DAB1: variants seen among roughly 807,000 people sequenced by gnomAD.
DAB1 encodes DAB adaptor protein 1, also known as disabled homolog 1.
A neutral mutation model predicts 64.6 loss-of-function variants in DAB1; 15 were observed. The ratio of observed to expected loss-of-function variants is 0.23; its 90% CI spans 0.16 to 0.36. DAB1 has a LOEUF of 0.36. DAB1 is among the 10% of genes least tolerant of loss of function. The probability of loss-of-function intolerance (pLI) is 1.00; values close to 1 mark genes in which losing one functional copy is unlikely to be tolerated. For missense variants in DAB1, 596 were observed against 706.7 expected (o/e 0.84, Z 1.78); for synonymous variants, 235 against 251.9 (o/e 0.93, Z 0.64).
intron 7 of DAB1, among the ~76,000 whole-genome samples, chr1:57,511,695 C>A (rs1369437718): frequency 6.6e-6 from 1 of 152,152 alleles, no homozygotes. Context: ...AAATGTAGTA[C>A]AATGCCTAGC....
intron 1 of DAB1, among the ~76,000 whole-genome samples, chr1:58,531,480 T>A (rs1220344336): frequency 6.6e-6 from 1 of 152,214 alleles, no homozygotes; most frequent in Admixed American, 6.5e-5. Context: ...AACTAGATTG[T>A]TCATGGTTTG....
intron 7 of DAB1, among the ~76,000 whole-genome samples, chr1:57,502,318 C>CAAAAAAAAAAAAA (rs10649147): frequency 6.4e-5 from 6 of 94,138 alleles, no homozygotes; most frequent in South Asian, 4.6e-4. Flanking sequence ...GAGTCCGTCT[C>CAAAAAAAAAAAAA]AAAAAAAAAA....
intron 3 of DAB1, among the ~76,000 whole-genome samples, chr1:58,451,016 G>T (rs60415312): frequency 0.13 from 19,410 of 152,190 alleles, 2,187 homozygotes; most frequent in East Asian, 0.46. Flanking sequence ...AACAAGGAAA[G>T]CCTGAGAAAG....
chr1:57,346,701 A>G (rs1678134205), intron 1 of DAB1, among the ~76,000 whole-genome samples: 2 of 152,202 alleles, frequency 1.3e-5, no homozygotes, highest in South Asian at 4.1e-4. Flanking sequence ...GCTCCTCTGA[A>G]CATTTGTTCA....
At chr1:57,330,064 A>G (rs548074569) in intron 1 of DAB1, among the ~76,000 whole-genome samples, 84 of 152,270 alleles carry the variant, frequency 5.5e-4, no homozygotes, top group African/African-American at 1.9e-3. Flanking sequence ...TAGCAGGGCA[A>G]TAAGGATCAT....
chr1:57,559,548 T>A (rs1002297470), intron 7 of DAB1, among the ~76,000 whole-genome samples: 3 of 152,188 alleles, frequency 2.0e-5, no homozygotes, highest in Admixed American at 1.3e-4. Flanking sequence ...TGATGTTGAT[T>A]CCAGGGGACC....
intron 3 of DAB1, among the ~76,000 whole-genome samples, chr1:58,427,707 A>G (rs1472731341): frequency 1.3e-5 from 2 of 152,172 alleles, no homozygotes. Flanking sequence ...GGTGCCAGGA[A>G]TTTGGGGATC....
chr1:58,327,742 C>T (rs1557732375), intron 4 of DAB1, among the ~76,000 whole-genome samples: 2 of 152,060 alleles, frequency 1.3e-5, no homozygotes, highest in Non-Finnish European at 2.9e-5. Context: ...AAGCAGATCA[C>T]GAGGTCAGGA....
Position 58,534,847 on chromosome 1 carries a change from G to T in DAB1, n.33-7512C>A, listed in dbSNP as rs531479774. ...GCTACATGGGAGGCTGAAGTGGGAG[G>T]ATCGCTTGAGTCTAGGAGGTGGAGG... On this transcript the variant is annotated intron_variant and non_coding_transcript_variant, in intron 1 of 20. Coordinates refer to the DAB1 transcript ENST00000485760. Among the ~76,000 whole-genome samples, 232 of 152,246 alleles carry T rather than the reference G, an allele frequency of 1.5e-3. 2 individuals are homozygous for T. Among genetic ancestry groups the T allele is most frequent in the African/African-American group, 5.5e-3 (230 of 41,536 alleles).
chr1:58,353,489 CCA>C (rs1177021220), intron 3 of DAB1, among the ~76,000 whole-genome samples: 1 of 152,154 alleles, frequency 6.6e-6, no homozygotes, highest in African/African-American at 2.4e-5. Context: ...GCTTTAGGAA[CCA>C]CAGACTTCCC....
At chr1:58,045,494 G>C (rs1190376513) in intron 5 of DAB1, among the ~76,000 whole-genome samples, 1 of 152,186 alleles carries the variant, frequency 6.6e-6, no homozygotes, top group Admixed American at 6.5e-5. Flanking sequence ...CATGCAGATT[G>C]TTCCCGGCGA....
At chr1:57,090,907 G>A (rs1370097076) in intron 4 of DAB1, among the ~76,000 whole-genome samples, 2 of 152,064 alleles carry the variant, frequency 1.3e-5, no homozygotes, top group Non-Finnish European at 2.9e-5. Flanking sequence ...TCATAGGAGC[G>A]CGAACCCTAT....
At chr1:58,450,127 A>C (rs1228657054) in intron 3 of DAB1, among the ~76,000 whole-genome samples, 1 of 152,228 alleles carries the variant, frequency 6.6e-6, no homozygotes, top group African/African-American at 2.4e-5. Flanking sequence ...TCCTACTAAA[A>C]GCAACTGAAA....
chr1:57,025,952 G>T, intron 10 of DAB1, 29 bp downstream of exon 10: 2 of 1,530,432 alleles, frequency 1.3e-6, no homozygotes, highest in Non-Finnish European at 1.8e-6. Context: ...AATTCAGAGA[G>T]CAGGGTTCAG....
At chr1:57,018,850 T>C (rs903770374) in intron 11 of DAB1, among the ~76,000 whole-genome samples, 1 of 152,132 alleles carries the variant, frequency 6.6e-6, no homozygotes, top group Non-Finnish European at 1.5e-5. Flanking sequence ...TCAATCCATA[T>C]CCTCACTGCA....
chr1:57,893,978 G>A (rs150783079), intron 5 of DAB1, among the ~76,000 whole-genome samples: 5 of 152,218 alleles, frequency 3.3e-5, no homozygotes, highest in Admixed American at 1.3e-4. Flanking sequence ...AGGGAAGAAC[G>A]CCTCAACTGA....
At chr1:57,517,382 A>G (rs1644475487) in intron 7 of DAB1, among the ~76,000 whole-genome samples, 1 of 152,064 alleles carries the variant, frequency 6.6e-6, no homozygotes, top group Admixed American at 6.6e-5. Flanking sequence ...TGTTTTCTCT[A>G]CCTGAGAGCA....
At chr1:58,276,159 G>A (rs973026521) in intron 4 of DAB1, among the ~76,000 whole-genome samples, 1 of 152,168 alleles carries the variant, frequency 6.6e-6, no homozygotes, top group Non-Finnish European at 1.5e-5. Flanking sequence ...CAAGGGCTGT[G>A]GGGAAGGAGT....
chr1:57,240,154 A>G (rs1668396007), intron 2 of DAB1, among the ~76,000 whole-genome samples: 1 of 152,190 alleles, frequency 6.6e-6, no homozygotes, highest in African/African-American at 2.4e-5. Context: ...CTATTTGCTG[A>G]GCATTTCCTA....
Sources: allele counts gnomAD v4.1 joint callset (sites outside exome capture counted in the v4.1 genomes callset), GRCh38; gene constraint gnomAD v4.1.1; transcripts MANE v1.5; gene names NCBI Gene and HGNC (gene_info 2026-07-23, HGNC 2026-07-21).